GXYLT1: variants seen among roughly 807,000 people sequenced by gnomAD.
GXYLT1 encodes the protein glucoside xylosyltransferase 1, also known as glycosyltransferase 8 domain containing 3.
In GXYLT1, 29 loss-of-function variants were observed where a neutral mutation model predicts 54.0. The observed-to-expected ratio is 0.54, with a 90% confidence interval of 0.40 to 0.73. GXYLT1 has a LOEUF of 0.73. Ranked by LOEUF, GXYLT1 falls within the 30% of genes least tolerant of loss-of-function variation. The pLI is 0.00. For missense variants in GXYLT1, 490 were observed against 553.4 expected, an observed-to-expected ratio of 0.89 and a Z score of 1.15; for synonymous variants, 176 against 204.1, an observed-to-expected ratio of 0.86 and a Z score of 1.17.
At chr12:42,116,897 G>A (rs1230844798) in intron 3 of GXYLT1, among the ~76,000 whole-genome samples, 1 of 152,100 alleles carries the variant, frequency 6.6e-6, no homozygotes, top group Admixed American at 6.5e-5. Flanking sequence ...CACAATGATA[G>A]ACTGGATTAA....
At chr12:42,094,651 C>T (rs565520047) in intron 7 of GXYLT1, among the ~76,000 whole-genome samples, 3 of 150,772 alleles carry the variant, frequency 2.0e-5, no homozygotes, top group Admixed American at 2.0e-4. Flanking sequence ...AGAGCAAGAC[C>T]CAGCAGTGAA....
At chr12:42,114,910 C>A (rs2065483454) in intron 3 of GXYLT1, among the ~76,000 whole-genome samples, 1 of 152,136 alleles carries the variant, frequency 6.6e-6, no homozygotes, top group Non-Finnish European at 1.5e-5. Context: ...AATCCAGCAG[C>A]ACATCAAAAA....
At chr12:42,101,287 T>C (rs1027154032) in intron 5 of GXYLT1, among the ~76,000 whole-genome samples, 5 of 152,052 alleles carry the variant, frequency 3.3e-5, no homozygotes, top group African/African-American at 1.2e-4. Flanking sequence ...GAAACAGAAA[T>C]GGCTACAAAT....
intron 7 of GXYLT1, among the ~76,000 whole-genome samples, chr12:42,089,713 C>CA (rs1412892255): frequency 1.1e-4 from 16 of 152,262 alleles, no homozygotes; most frequent in African/African-American, 3.6e-4. Flanking sequence ...ATTAAGCAAA[C>CA]AACACCATGC....
In GXYLT1 at chr12:42,119,176, T is replaced by C. The variant is rs937384804; in HGVS notation, c.315-5A>G. The C allele has an allele frequency of 4.9e-6, 7 of 1,427,672 alleles. No homozygotes were observed. The highest frequency in any genetic ancestry group is 1.9e-4 in the Middle Eastern group (1 of 5,400). 88.4% of individuals were successfully genotyped at this position (1,427,672 alleles called of 1,614,324 possible). On this transcript the variant is annotated splice_polypyrimidine_tract_variant and splice_region_variant and intron_variant, in intron 2 of 7. Transcript: ENST00000398675. ...GGCTGTATTTTCAGACTGTACCTAA[T>C]AGGAAAGAAAACCACATTTTTCAAC...
rs1175063781 is a variant in GXYLT1 at position 42,099,573 on chromosome 12, T to C, written c.865-1540A>G. Among the ~76,000 whole-genome samples, 4 of 152,260 alleles carry C rather than the reference T, an allele frequency of 2.6e-5. No homozygotes were observed. In the South Asian group the frequency reaches 8.3e-4, roughly 31 times the overall value. On this transcript the variant is annotated intron_variant, in intron 5 of 7. Coordinates refer to ENST00000398675, the MANE Select transcript of GXYLT1 (RefSeq NM_173601.2). ...TAAATATTACTTAATAGTTATGATGTCAGGCACAGCGACTCACGCCTGTAA... is the reference window on the plus strand; with the variant it reads ...TAAATATTACTTAATAGTTATGATGCCAGGCACAGCGACTCACGCCTGTAA...
At chr12:42,110,354 T>G (rs2065445770) in intron 3 of GXYLT1, among the ~76,000 whole-genome samples, 2 of 152,220 alleles carry the variant, frequency 1.3e-5, no homozygotes, top group African/African-American at 4.8e-5. Context: ...AATTACTGAT[T>G]CAAATTTCCT....
intron 5 of GXYLT1, among the ~76,000 whole-genome samples, chr12:42,103,060 A>C (rs1336789920): frequency 1.3e-5 from 2 of 152,060 alleles, no homozygotes; most frequent in South Asian, 4.2e-4. Context: ...TCCCTGGTTC[A>C]AGCAATTCTG....
intron 7 of GXYLT1, among the ~76,000 whole-genome samples, chr12:42,096,304 C>T (rs1299527437): frequency 1.3e-5 from 2 of 151,988 alleles, no homozygotes; most frequent in African/African-American, 4.8e-5. Flanking sequence ...CTAATTTCAA[C>T]AGTAGGGCAG....
intron 1 of GXYLT1, among the ~76,000 whole-genome samples, chr12:42,142,356 A>C (rs2065656491): frequency 7.2e-6 from 1 of 138,636 alleles, no homozygotes; most frequent in African/African-American, 2.7e-5. Context: ...TTTTTTTTTG[A>C]GACAGGATCT....
chr12:42,106,086 T>C lies in GXYLT1; in HGVS notation c.613-17A>G, dbSNP rs200871835. On this transcript the variant is annotated splice_polypyrimidine_tract_variant and intron_variant, in intron 4 of 7. Coordinates refer to ENST00000398675, the MANE Select transcript of GXYLT1 (RefSeq NM_173601.2). ...CAGGATTAACTACAAGGAGAGATAT[T>C]TGAATGATTAACTATAATTCTATTT... 4 of 1,561,168 alleles carry C rather than the reference T, an allele frequency of 2.6e-6. No homozygotes were observed. Among genetic ancestry groups the C allele is most frequent in the Non-Finnish European group, 2.6e-6 (3 of 1,136,996 alleles).
intron 1 of GXYLT1, among the ~76,000 whole-genome samples, chr12:42,139,683 G>T (rs760361172): frequency 1.3e-5 from 2 of 152,176 alleles, no homozygotes; most frequent in Non-Finnish European, 2.9e-5. Context: ...GCAGCCCAAA[G>T]AAACCAAGAT....
At chr12:42,130,128 G>T (rs2065586022) in intron 1 of GXYLT1, among the ~76,000 whole-genome samples, 1 of 152,142 alleles carries the variant, frequency 6.6e-6, no homozygotes, top group South Asian at 2.1e-4. Context: ...CCCCTCCTCA[G>T]ATAACACAGA....
chr12:42,134,896 T>G (rs3852593), intron 1 of GXYLT1, among the ~76,000 whole-genome samples: 48,275 of 152,072 alleles, frequency 0.32, 7,950 homozygotes, highest in Admixed American at 0.36. Flanking sequence ...TTAAAGACCT[T>G]CTTGCATCAA....
intron 7 of GXYLT1, among the ~76,000 whole-genome samples, chr12:42,096,783 A>C (rs1279872483): frequency 1.3e-5 from 2 of 152,120 alleles, no homozygotes; most frequent in Non-Finnish European, 2.9e-5. Flanking sequence ...AAATAACTAC[A>C]CTGTGGAGAA....
chr12:42,120,126 A>T (rs999884706), intron 2 of GXYLT1, among the ~76,000 whole-genome samples: 2 of 152,140 alleles, frequency 1.3e-5, no homozygotes, highest in African/African-American at 2.4e-5. Context: ...TTTTAAAAAC[A>T]TTGTTATTAA....
intron 5 of GXYLT1, among the ~76,000 whole-genome samples, chr12:42,101,697 G>A (rs1167133695): frequency 6.6e-6 from 1 of 151,758 alleles, no homozygotes; most frequent in South Asian, 2.1e-4. Flanking sequence ...TCAGGCTCCC[G>A]AGTAGCTGGA....
Position 42,087,567 on chromosome 12 carries a change from A to C in GXYLT1, c.*219T>G, listed in dbSNP as rs1592097933. The stretch of plus-strand genomic sequence containing the variant: ...CAATACTGGAATGATAGCAAGTAAC[A>C]TTACAAAACATCAGAGATAAAAAAT... On this transcript the variant is annotated 3_prime_UTR_variant, in exon 8 of 8. Coordinates refer to ENST00000398675, the MANE Select transcript of GXYLT1 (RefSeq NM_173601.2). 4 of 456,782 alleles carry C rather than the reference A, an allele frequency of 8.8e-6. No individual in the cohort carries two copies. Among genetic ancestry groups the C allele is most frequent in the Non-Finnish European group, 1.2e-5 (3 of 258,378 alleles). The allele number at this position is 456,782 out of a possible 1,614,324, so 28.3% of individuals were successfully genotyped here.
chr12:42,125,433 G>A (rs541681475), intron 2 of GXYLT1, among the ~76,000 whole-genome samples: 88 of 152,302 alleles, frequency 5.8e-4, no homozygotes, highest in Non-Finnish European at 7.8e-4. Flanking sequence ...AAATTATCCT[G>A]TGACTATTCA....
Sources: gnomAD v4.1 joint callset for allele counts (sites outside exome capture counted in the v4.1 genomes callset) on GRCh38, gnomAD v4.1.1 for gene constraint, MANE v1.5 for transcripts, NCBI Gene and HGNC (gene_info 2026-07-23, HGNC 2026-07-21) for gene names.